C1QTNF3: variants seen among roughly 807,000 people sequenced by gnomAD.
C1QTNF3 encodes the protein C1q and TNF related 3.
Under a neutral mutation model 32.6 loss-of-function variants are expected in C1QTNF3, and 26 were observed. The ratio of observed to expected loss-of-function variants is 0.80; its 90% confidence interval spans 0.58 to 1.11. The LOEUF (loss-of-function observed/expected upper bound fraction) is 1.11, where lower values mean the gene tolerates loss of function less well. C1QTNF3 is among the 50% of genes least tolerant of loss of function. The pLI is 0.00. For synonymous variants in C1QTNF3, 155 were observed against 146.0 expected (o/e 1.06, Z -0.44); for missense variants, 362 against 398.2 (o/e 0.91, Z 0.77).
chr5:34,117,984 T>C, the C1QTNF3 span, among the ~76,000 whole-genome samples: 2 of 152,188 alleles, frequency 1.3e-5, no homozygotes, highest in Non-Finnish European at 2.9e-5. Flanking sequence ...TCAATTATAC[T>C]TCATCTTATA....
the C1QTNF3 span, among the ~76,000 whole-genome samples, chr5:34,199,423 CAAATT>C: frequency 1.3e-5 from 2 of 151,378 alleles, no homozygotes; most frequent in Admixed American, 6.6e-5. Flanking sequence ...TTTTATTAAT[CAAATT>C]AATTTATATA....
chr5:34,048,788 C>A, the C1QTNF3 span, among the ~76,000 whole-genome samples: 1 of 151,952 alleles, frequency 6.6e-6, no homozygotes, highest in South Asian at 2.1e-4. Flanking sequence ...TTTGCAGAAT[C>A]TGAGTTCCAA....
intron 1 of C1QTNF3, among the ~76,000 whole-genome samples, chr5:34,042,526 G>T (rs1351340939): frequency 1.3e-5 from 2 of 152,126 alleles, no homozygotes; most frequent in Non-Finnish European, 2.9e-5. Context: ...GAGCAAGAAG[G>T]AAATCAAGTC....
At chr5:34,212,198 C>T in the C1QTNF3 span, among the ~76,000 whole-genome samples, 1 of 151,176 alleles carries the variant, frequency 6.6e-6, no homozygotes, top group South Asian at 2.1e-4. Flanking sequence ...ACTGGCTAGT[C>T]ATATGGAGAA....
the C1QTNF3 span, among the ~76,000 whole-genome samples, chr5:34,195,473 C>G: frequency 6.6e-6 from 1 of 150,944 alleles, no homozygotes; most frequent in Admixed American, 6.6e-5. Context: ...AGAAACCTAT[C>G]AGATTTACAT....
At chr5:34,033,527 A>G in intron 2 of C1QTNF3, 69 bp from the exon 3 acceptor site, 6 of 1,584,496 alleles carry the variant, frequency 3.8e-6, no homozygotes, top group Non-Finnish European at 5.2e-6. Flanking sequence ...TTCTAGACAT[A>G]CTATCCAAAC....
At chr5:34,050,421 G>A in the C1QTNF3 span, among the ~76,000 whole-genome samples, 2 of 152,150 alleles carry the variant, frequency 1.3e-5, no homozygotes, top group Non-Finnish European at 2.9e-5. Flanking sequence ...GCTACTCAGC[G>A]CTTGGCATCA....
chr5:34,079,088 T>C, the C1QTNF3 span, among the ~76,000 whole-genome samples: 1 of 151,622 alleles, frequency 6.6e-6, no homozygotes, highest in African/African-American at 2.4e-5. Flanking sequence ...TATTCCACTA[T>C]ATTTAGAACA....
intron 4 of C1QTNF3, 111 bp downstream of exon 4, chr5:34,028,640 CCTT>C (rs1390148102): frequency 4.4e-6 from 4 of 903,478 alleles, no homozygotes; most frequent in Non-Finnish European, 6.2e-6. Flanking sequence ...CTCCCTTCCT[CCTT>C]CTTTCTCTCC....
chr5:34,244,332 C>T, the C1QTNF3 span, among the ~76,000 whole-genome samples: 9 of 152,214 alleles, frequency 5.9e-5, no homozygotes, highest in African/African-American at 2.2e-4. Context: ...CTGCGCAGAG[C>T]CAAACAGTGA....
At chr5:34,119,625 G>A in the C1QTNF3 span, among the ~76,000 whole-genome samples, 5 of 151,972 alleles carry the variant, frequency 3.3e-5, no homozygotes, top group East Asian at 3.9e-4. Context: ...GTGTCCACAG[G>A]GATGCATTCA....
At chr5:34,136,929 T>C in the C1QTNF3 span, among the ~76,000 whole-genome samples, 2 of 151,564 alleles carry the variant, frequency 1.3e-5, no homozygotes, top group Non-Finnish European at 2.9e-5. Context: ...TGTTCTCTCA[T>C]AGGTGGGAAT....
In C1QTNF3 at chr5:34,023,944, A is replaced by G; in HGVS notation, c.765T>C (p.Leu255=). The G allele has an allele frequency of 6.2e-7, 1 of 1,614,106 alleles. No individual in the cohort carries two copies. The change falls in exon 5 of 6, where the codon CTT becomes CTC. Residue 255 remains leucine, a synonymous_variant. Transcript: ENST00000382065. ...TGAAGACTGTGTTGCCATTGTGCAT[A>G]AGGTACACATACACTTCCTCAACAT... ...HEDVEEVYVY[L]MHNGNTVFSM...
At chr5:34,166,547 C>T in the C1QTNF3 span, 2 of 152,152 alleles carry the variant, frequency 1.3e-5, no homozygotes, top group Non-Finnish European at 2.9e-5. Context: ...GGCTTTGCAT[C>T]ATTTCATCAA....
chr5:34,120,679 T>C, the C1QTNF3 span, among the ~76,000 whole-genome samples: 1 of 152,196 alleles, frequency 6.6e-6, no homozygotes, highest in Non-Finnish European at 1.5e-5. Context: ...AAAGAGGTGT[T>C]TCCGTGAACA....
chr5:34,035,547 G>T, intron 2 of C1QTNF3, 100 bp downstream of exon 2: 1 of 871,854 alleles, frequency 1.1e-6, no homozygotes, highest in Non-Finnish European at 1.8e-6. Context: ...CGGATCCTTT[G>T]GATCACACAG....
chr5:34,234,838 C>T, the C1QTNF3 span, among the ~76,000 whole-genome samples: 1 of 152,088 alleles, frequency 6.6e-6, no homozygotes, highest in South Asian at 2.1e-4. Flanking sequence ...GTTTTCTCAG[C>T]ATGACTAATC....
the C1QTNF3 span, among the ~76,000 whole-genome samples, chr5:34,238,011 T>C: frequency 2.0e-5 from 3 of 152,166 alleles, no homozygotes; most frequent in Non-Finnish European, 4.4e-5. Context: ...CATCCCAAAC[T>C]ACAACATCAA....
chr5:34,174,554 T>G, the C1QTNF3 span, among the ~76,000 whole-genome samples: 1 of 152,104 alleles, frequency 6.6e-6, no homozygotes, highest in African/African-American at 2.4e-5. Flanking sequence ...CTTTAACCTT[T>G]CAAAAGCCTA....
Sources: allele counts gnomAD v4.1 joint callset (sites outside exome capture counted in the v4.1 genomes callset), GRCh38; gene constraint gnomAD v4.1.1; transcripts MANE v1.5; gene names NCBI Gene and HGNC (gene_info 2026-07-23, HGNC 2026-07-21).